LINC00632: variants seen among roughly 807,000 people sequenced by gnomAD.
The protein encoded by LINC00632 is ALDOA related specific transcript.
At chrX:140,766,098 G>T (rs974687639) in intron 3 of LINC00632, among the ~76,000 whole-genome samples, 1 of 111,793 alleles carries the variant, frequency 8.9e-6, no homozygotes, top group East Asian at 2.8e-4. Context: ...ACCTGGAATG[G>T]GGAAAAGGTG....
At chrX:140,734,714 G>T (rs1931113908) in intron 3 of LINC00632, among the ~76,000 whole-genome samples, 1 of 108,490 alleles carries the variant, frequency 9.2e-6, no homozygotes. Flanking sequence ...TACACATTTG[G>T]TAAGTAATCA....
At chrX:140,726,742 C>T (rs994774778) in intron 2 of LINC00632, among the ~76,000 whole-genome samples, 1 of 112,104 alleles carries the variant, frequency 8.9e-6, no homozygotes, top group Non-Finnish European at 1.9e-5. Flanking sequence ...CTCCTGGATA[C>T]ACCTCACAAT....
intron 2 of LINC00632, among the ~76,000 whole-genome samples, chrX:140,731,579 G>T (rs1264315833): frequency 1.8e-5 from 2 of 111,931 alleles, no homozygotes; most frequent in Non-Finnish European, 3.8e-5. Context: ...GCTGTTGTAA[G>T]GATTAAATGA....
chrX:140,723,606 TTCCATAA>T (rs1930796599), intron 2 of LINC00632, among the ~76,000 whole-genome samples: 1 of 7,933 alleles, frequency 1.3e-4, no homozygotes, highest in African/African-American at 4.7e-4. Flanking sequence ...CAGACACACA[TTCCATAA>T]ACACACACAC....
chrX:140,779,198 TAC>T (rs1027329731), exon 5 of LINC00632, among the ~76,000 whole-genome samples: 29 of 109,965 alleles, frequency 2.6e-4, no homozygotes, highest in African/African-American at 9.3e-4. Context: ...AGCTCAGTAT[TAC>T]AAAGTGCATG....
chrX:140,724,438 CACAG>C (rs1930868729), intron 2 of LINC00632, among the ~76,000 whole-genome samples: 1 of 102,955 alleles, frequency 9.7e-6, no homozygotes, highest in Non-Finnish European at 2.0e-5. Flanking sequence ...CACATACACA[CACAG>C]ACATTCCATA....
exon 5 of LINC00632, chrX:140,784,266 A>G (rs1216140586): frequency 7.6e-5 from 91 of 1,203,813 alleles, no homozygotes; most frequent in Non-Finnish European, 9.4e-5. Flanking sequence ...TGTGTCTTCC[A>G]ACAAAGGTAC....
chrX:140,754,296 C>G (rs772277398), intron 3 of LINC00632, among the ~76,000 whole-genome samples: 11 of 110,920 alleles, frequency 9.9e-5, no homozygotes, highest in Non-Finnish European at 2.1e-4. Context: ...CTTATGTGCT[C>G]TGAATTTTTT....
At chrX:140,729,598 C>CCA (rs1179779677) in intron 2 of LINC00632, among the ~76,000 whole-genome samples, 1 of 110,828 alleles carries the variant, frequency 9.0e-6, no homozygotes, top group Non-Finnish European at 1.9e-5. Flanking sequence ...AGGACATGAT[C>CCA]CACACTCTGT....
At chrX:140,744,404 C>T (rs1188181844) in intron 3 of LINC00632, among the ~76,000 whole-genome samples, 1 of 110,408 alleles carries the variant, frequency 9.1e-6, no homozygotes, top group Non-Finnish European at 1.9e-5. Flanking sequence ...GATTGCTGTG[C>T]AGAGGTCTTG....
At chrX:140,776,114 T>A (rs1218574966) in exon 5 of LINC00632, among the ~76,000 whole-genome samples, 1 of 110,996 alleles carries the variant, frequency 9.0e-6, no homozygotes, top group Non-Finnish European at 1.9e-5. Flanking sequence ...AGTGGGCAAA[T>A]GATATGAACA....
At chrX:140,759,000 T>C (rs1275665634) in intron 3 of LINC00632, among the ~76,000 whole-genome samples, 3 of 105,348 alleles carry the variant, frequency 2.8e-5, no homozygotes, top group Non-Finnish European at 5.9e-5. Flanking sequence ...GTTTTGCTGT[T>C]GTTGCCCAGG....
chrX:140,783,906 G>A (rs759669598), exon 5 of LINC00632: 48 of 1,206,012 alleles, frequency 4.0e-5, no homozygotes, highest in Non-Finnish European at 5.4e-5. Flanking sequence ...GGGTCTTCCT[G>A]AAAATCTACG....
chrX:140,744,567 TGGGGG>T (rs373766988), intron 3 of LINC00632, among the ~76,000 whole-genome samples: 1 of 18,219 alleles, frequency 5.5e-5, no homozygotes, highest in Non-Finnish European at 1.0e-4. Context: ...AGCTTTTTTT[TGGGGG>T]GGGGGGTGGG....
chrX:140,747,697 C>T (rs2148391604), intron 3 of LINC00632, among the ~76,000 whole-genome samples: 1 of 111,366 alleles, frequency 9.0e-6, no homozygotes, highest in African/African-American at 3.3e-5. Context: ...CAACTATCTT[C>T]ACTAAGAGTT....
intron 3 of LINC00632, among the ~76,000 whole-genome samples, chrX:140,742,839 T>TAGAGAG (rs3084215): frequency 0.02 from 949 of 46,887 alleles, 57 homozygotes; most frequent in African/African-American, 0.04. Flanking sequence ...TAGAAGGTGA[T>TAGAGAG]AGAGAGAGAG....
At chrX:140,714,362 G>T (rs1569346505) in intron 2 of LINC00632, 2 of 115,797 alleles carry the variant, frequency 1.7e-5, no homozygotes, top group African/African-American at 6.6e-5. Context: ...ATACTACAGA[G>T]ACTCTCCCTA....
intron 2 of LINC00632, among the ~76,000 whole-genome samples, chrX:140,728,549 C>G (rs773245259): frequency 4.5e-5 from 5 of 110,675 alleles, no homozygotes; most frequent in Non-Finnish European, 9.4e-5. Flanking sequence ...CCAGGCATGC[C>G]TTTTACAATG....
exon 5 of LINC00632, among the ~76,000 whole-genome samples, chrX:140,775,984 G>C (rs1341748907): frequency 2.7e-5 from 3 of 111,567 alleles, no homozygotes; most frequent in Non-Finnish European, 5.6e-5. Flanking sequence ...GCATCAGAAT[G>C]AACAGGCAAC....
Sources: gnomAD v4.1 joint callset for allele counts (sites outside exome capture counted in the v4.1 genomes callset) on GRCh38, gnomAD v4.1.1 for gene constraint, MANE v1.5 for transcripts, NCBI Gene and HGNC (gene_info 2026-07-23, HGNC 2026-07-21) for gene names.